PPP2R5C: variants seen among roughly 807,000 people sequenced by gnomAD.
The protein encoded by PPP2R5C is serine/threonine-protein phosphatase 2A 56 kDa regulatory subunit gamma isoform.
In PPP2R5C, 7 loss-of-function variants were observed where a neutral mutation model predicts 68.9. That is an observed-to-expected ratio of 0.10 (90% CI 0.06 to 0.19). The LOEUF (loss-of-function observed/expected upper bound fraction) is 0.19. PPP2R5C is among the 10% of genes least tolerant of loss of function. The pLI is 1.00. For synonymous variants in PPP2R5C, 210 were observed against 222.2 expected (o/e 0.95, Z 0.49); for missense variants, 348 against 641.3 (o/e 0.54, Z 4.94).
rs550981760 is a variant in PPP2R5C at position 101,853,160 on chromosome 14, C to CA, written c.95-3517dup. Among the ~76,000 whole-genome samples, 22 of 147,874 alleles carry CA rather than the reference C, an allele frequency of 1.5e-4. 1 individual carries two copies. Among genetic ancestry groups the CA allele is most frequent in the Admixed American group, 5.4e-4 (8 of 14,832 alleles). The stretch of plus-strand genomic sequence containing the variant: ...AGAAGTTGTTAAATTAACTTGTATT[C>CA]AAAAAAAAATGGAAATATTTGATAG... On this transcript the variant is annotated intron_variant, in intron 1 of 13. Coordinates refer to ENST00000334743, the Ensembl canonical transcript of PPP2R5C.
intron 2 of PPP2R5C, among the ~76,000 whole-genome samples, chr14:101,764,793 C>CT (rs2036763479): frequency 6.9e-6 from 1 of 144,204 alleles, no homozygotes; most frequent in Non-Finnish European, 1.5e-5. Flanking sequence ...AAGGTATATG[C>CT]TATATGCCTT....
At chr14:101,867,796 T>TA (rs144298734) in intron 2 of PPP2R5C, among the ~76,000 whole-genome samples, 8,970 of 152,196 alleles carry the variant, frequency 0.059, 364 homozygotes, top group African/African-American at 0.1. Context: ...ATTAATTAAT[T>TA]AAAAAGATAA....
chr14:101,907,920 G>A (rs895941598), intron 10 of PPP2R5C, among the ~76,000 whole-genome samples: 4 of 152,150 alleles, frequency 2.6e-5, no homozygotes, highest in South Asian at 2.1e-4. Flanking sequence ...ACCCCCGAGC[G>A]AGCGTCCAGC....
intron 2 of PPP2R5C, among the ~76,000 whole-genome samples, chr14:101,863,420 G>C (rs2476517): frequency 0.35 from 52,539 of 151,688 alleles, 11,660 homozygotes; most frequent in African/African-American, 0.63. Context: ...TTTAATTTCT[G>C]TGGTTTAATT....
intron 3 of PPP2R5C, among the ~76,000 whole-genome samples, chr14:101,804,823 A>T (rs1405410973): frequency 1.3e-5 from 2 of 152,210 alleles, no homozygotes; most frequent in Non-Finnish European, 2.9e-5. Context: ...TATAGTCAAC[A>T]ATAACTTAAT....
At chr14:101,831,288 A>G (rs2040719981) in intron 1 of PPP2R5C, among the ~76,000 whole-genome samples, 1 of 152,244 alleles carries the variant, frequency 6.6e-6, no homozygotes, top group Non-Finnish European at 1.5e-5. Flanking sequence ...TTATATTTAT[A>G]TATGACATTA....
At chr14:101,837,395 C>T (rs2041179758) in intron 1 of PPP2R5C, among the ~76,000 whole-genome samples, 2 of 152,292 alleles carry the variant, frequency 1.3e-5, no homozygotes, top group Middle Eastern at 3.4e-3. Flanking sequence ...GATCCGCCCA[C>T]CTCAGCCTCC....
Position 101,768,409 on chromosome 14 carries a change from C to T in PPP2R5C, c.93+5439C>T, listed in dbSNP as rs144716393. On this transcript the variant is annotated intron_variant, in intron 2 of 14. Transcript: ENST00000328724. ...TATTTAGTGAGTTATATCTATCTAC[C>T]GATATTTTTCCTTAGAAATTAAAGC... Among the ~76,000 whole-genome samples, 18 of 152,174 alleles carry T rather than the reference C, an allele frequency of 1.2e-4. 1 individual carries two copies. The highest frequency in any genetic ancestry group is 4.2e-4 in the South Asian group (2 of 4,814).
rs141765536 is a variant in PPP2R5C, at chr14:101,779,749, G to T, written c.94-6269G>T. Among the ~76,000 whole-genome samples the T allele has an allele frequency of 2.0e-5, 3 of 152,262 alleles. No individual in the cohort carries two copies. In the East Asian group the frequency reaches 5.8e-4, roughly 29 times the overall value. Reference sequence around the variant, plus strand: ...CATCTTGTGAGCAGGGGAATGGTCTGATGGACCTTTAGAAAGGTCAGTCCA... The same window carrying T: ...CATCTTGTGAGCAGGGGAATGGTCTTATGGACCTTTAGAAAGGTCAGTCCA... On this transcript the variant is annotated intron_variant, in intron 2 of 14. Transcript: ENST00000328724.
At chr14:101,841,259 G>A (rs898833487) in intron 1 of PPP2R5C, among the ~76,000 whole-genome samples, 1 of 152,158 alleles carries the variant, frequency 6.6e-6, no homozygotes, top group Admixed American at 6.5e-5. Context: ...TGTCTTCGAG[G>A]CTTTACAGAT....
chr14:101,760,923 G>A (rs1377815663), upstream of PPP2R5C, among the ~76,000 whole-genome samples: 10 of 105,020 alleles, frequency 9.5e-5, no homozygotes, highest in South Asian at 3.7e-4. Context: ...GCCGAGGGGA[G>A]GGGCTGGCCG....
chr14:101,917,867 C>A lies in PPP2R5C; in HGVS notation c.1363C>A (p.Pro455Thr). 1.9e-6 allele frequency: 3 copies of A among 1,613,746 alleles called. No homozygotes were observed. The highest frequency in any genetic ancestry group is 2.2e-5 in the South Asian group (2 of 91,076). Residue 455 changes from proline to threonine, a missense_variant, in exon 13 of 14, where the codon CCG (proline) becomes ACG (threonine). Physicochemically the swap from Pro to Thr is conservative, Grantham distance 38 (BLOSUM62 -1). This residue lies in a region of PPP2R5C where 118 missense variants were observed against 108.9 expected (regional missense o/e 1.08). Transcript: ENST00000334743. The surrounding 1 kb of genome is among the most constrained non-coding windows in gnomAD (Gnocchi z 4.4). ...TAGTCAAGCCAGCACCATGAGCATT[C>A]CGGTTGCAATGGAGACAGATGGGCC...
chr14:101,841,358 A>G (rs1208222634), intron 1 of PPP2R5C, among the ~76,000 whole-genome samples: 1 of 152,218 alleles, frequency 6.6e-6, no homozygotes, highest in Admixed American at 6.5e-5. Flanking sequence ...GAGTGTTTTT[A>G]GTTTAGCTAT....
At chr14:101,872,402 T>C (rs764618175) in intron 2 of PPP2R5C, among the ~76,000 whole-genome samples, 7 of 151,838 alleles carry the variant, frequency 4.6e-5, no homozygotes, top group Non-Finnish European at 8.8e-5. Context: ...CATGTCCAGC[T>C]AATTTTTTTA....
chr14:101,914,931 G>C (rs1566967803), intron 12 of PPP2R5C, among the ~76,000 whole-genome samples: 1 of 152,176 alleles, frequency 6.6e-6, no homozygotes, highest in Non-Finnish European at 1.5e-5. Flanking sequence ...AGTAGCTGTG[G>C]CTCAGTGTTT....
At chr14:101,765,168 A>G (rs1446955673) in intron 2 of PPP2R5C, 4 of 702,626 alleles carry the variant, frequency 5.7e-6, no homozygotes, top group Non-Finnish European at 1.0e-5. Flanking sequence ...ACTGTCTAAG[A>G]GCTGGAGCTA....
At chr14:101,764,203 T>C (rs1304271018) in intron 2 of PPP2R5C, among the ~76,000 whole-genome samples, 1 of 152,238 alleles carries the variant, frequency 6.6e-6, no homozygotes, top group African/African-American at 2.4e-5. Context: ...CACTTTCCTT[T>C]GCCTTTTCTT....
rs1305875331 is a variant in PPP2R5C, at chr14:101,781,346, C to T, written c.94-4672C>T. 2.0e-5 allele frequency among the ~76,000 whole-genome samples: 3 copies of T among 152,206 alleles called. No homozygotes were observed. Among genetic ancestry groups the T allele is most frequent in the East Asian group, 1.9e-4 (1 of 5,190 alleles). On this transcript the variant is annotated intron_variant, in intron 2 of 14. Coordinates refer to the PPP2R5C transcript ENST00000328724. This position sits in a 1 kb window ranked among gnomAD's most constrained non-coding sequence, Gnocchi z 6.4. ...CTCCGAAGCCTCAACCCGCCCTGCG[C>T]CTCCCGGTGGCACAGCGACCTTGGC... is the stretch of plus-strand genomic sequence containing the variant.
chr14:101,775,519 T>C (rs1010344619), intron 2 of PPP2R5C, among the ~76,000 whole-genome samples: 4 of 152,228 alleles, frequency 2.6e-5, no homozygotes, highest in Admixed American at 2.0e-4. Context: ...GGGCTTGCTG[T>C]GTCTCTGTTA....
Sources: allele counts gnomAD v4.1 joint callset (sites outside exome capture counted in the v4.1 genomes callset), GRCh38; gene constraint gnomAD v4.1.1; regional missense constraint gnomAD v4.1.1; non-coding constraint Gnocchi (gnomAD v3.1); transcripts MANE v1.5; gene names NCBI Gene and HGNC (gene_info 2026-07-23, HGNC 2026-07-21).